Variants in GOSR2 observed in about 807,000 individuals in gnomAD.
GOSR2 encodes the protein 27 kDa Golgi SNARE protein.
In GOSR2, 20 loss-of-function variants were observed where a neutral mutation model predicts 27.9. That is an observed-to-expected ratio of 0.72 (90% confidence interval 0.50 to 1.04). The LOEUF (loss-of-function observed/expected upper bound fraction) is 1.04, where lower values mean the gene tolerates loss of function less well. Among genes scored for constraint, GOSR2 ranks in the 50% least tolerant of loss-of-function variants. The pLI is 0.00. For missense variants in GOSR2, 261 were observed against 270.5 expected (o/e 0.97, Z 0.25); for synonymous variants, 91 against 98.8 (o/e 0.92, Z 0.47).
chr17:46,943,632 G>A (rs1025191682), downstream of GOSR2, among the ~76,000 whole-genome samples: 3 of 152,152 alleles, frequency 2.0e-5, no homozygotes, highest in East Asian at 1.9e-4. Flanking sequence ...AGGCGCCATC[G>A]GGTAAGCGGC....
At chr17:46,962,577 T>A (rs969376806) in intron 6 of GOSR2, among the ~76,000 whole-genome samples, 1 of 152,212 alleles carries the variant, frequency 6.6e-6, no homozygotes. Context: ...AGTATAGCTA[T>A]GCTGCTGTCT....
intron 2 of GOSR2, 133 bp from the exon 3 acceptor site, chr17:46,930,961 TTAGTG>T (rs1188867255): frequency 1.5e-6 from 1 of 665,688 alleles, no homozygotes; most frequent in African/African-American, 1.8e-5. Context: ...CTGTTATTCA[TTAGTG>T]TATACATTTT....
intron 6 of GOSR2, among the ~76,000 whole-genome samples, chr17:46,954,679 G>T (rs1408937921): frequency 1.3e-5 from 2 of 152,180 alleles, no homozygotes; most frequent in Admixed American, 6.5e-5. Context: ...TCTTCCATTT[G>T]TTTGTGTCCT....
chr17:46,955,626 G>A (rs141797061), intron 6 of GOSR2: 1 of 152,304 alleles, frequency 6.6e-6, no homozygotes, highest in East Asian at 1.9e-4. Context: ...GCACACCTCT[G>A]AAGCAGTGCA....
In GOSR2 at chr17:46,956,277, CTTTTTTTTTTTT is replaced by C. The variant is rs869045527; in HGVS notation, c.584-10238_584-10227del. ...AGGCCAGGATTCTGCCTTGCCAGTC[CTTTTTTTTTTTT>C]TTTTTTTTTTTTTTTTTTGAGACAG... On this transcript the variant is annotated intron_variant, in intron 6 of 6. Transcript: ENST00000573224. Among the ~76,000 whole-genome samples, 21 of 62,656 alleles carry C rather than the reference CTTTTTTTTTTTT, an allele frequency of 3.4e-4. No homozygotes were observed. In the South Asian group the frequency reaches 9.6e-3, roughly 29 times the overall value. The allele number at this position is 62,656 out of a possible 152,430, so 41.1% of individuals were successfully genotyped here. A position where few individuals can be genotyped will look rare whatever the true frequency, so the allele number is the denominator to read the frequency against.
chr17:46,935,604 A>G, intron 5 of GOSR2: 1 of 1,066,122 alleles, frequency 9.4e-7, no homozygotes, highest in African/African-American at 1.7e-5. Context: ...TTTGTATTTT[A>G]GTAACTGAAT....
At chr17:46,974,041 A>T (rs2091420777) in intron 6 of GOSR2, among the ~76,000 whole-genome samples, 1 of 152,202 alleles carries the variant, frequency 6.6e-6, no homozygotes, top group South Asian at 2.1e-4. Context: ...AGTAAGTAAG[A>T]AAGTAAGTGG....
At chr17:46,960,148 C>T (rs936190264) in intron 6 of GOSR2, among the ~76,000 whole-genome samples, 1 of 152,140 alleles carries the variant, frequency 6.6e-6, no homozygotes. Flanking sequence ...GGAAAGAGCT[C>T]TCAAAGCTCA....
At chr17:46,923,915 A>C (rs2086102480) in intron 1 of GOSR2, 1 of 398,574 alleles carries the variant, frequency 2.5e-6, no homozygotes, top group East Asian at 3.6e-5. Flanking sequence ...GGCGGGGGGC[A>C]GAATTATGAT....
At chr17:46,925,479 C>T (rs1434559880) in intron 1 of GOSR2, among the ~76,000 whole-genome samples, 1 of 152,220 alleles carries the variant, frequency 6.6e-6, no homozygotes, top group Non-Finnish European at 1.5e-5. Context: ...AGTGCTGAAC[C>T]AGGAGTGGGA....
At chr17:46,946,418 G>A (rs1362799078), downstream of GOSR2, among the ~76,000 whole-genome samples, 2 of 140,870 alleles carry the variant, frequency 1.4e-5, no homozygotes, top group Admixed American at 7.5e-5. Flanking sequence ...CCGAGATCAC[G>A]CCATTGCACT....
At chr17:46,924,169 C>T in intron 1 of GOSR2, 1 of 292,514 alleles carries the variant, frequency 3.4e-6, no homozygotes, top group Non-Finnish European at 6.2e-6. Flanking sequence ...TTACTTCTCT[C>T]TATGAGTTTA....
At chr17:46,963,430 A>G (rs1156917295) in intron 6 of GOSR2, among the ~76,000 whole-genome samples, 1 of 152,074 alleles carries the variant, frequency 6.6e-6, no homozygotes, top group Non-Finnish European at 1.5e-5. Flanking sequence ...CTGTAATCCC[A>G]GCTACTTGGG....
chr17:46,923,658 C>T, intron 1 of GOSR2: 4 of 1,075,556 alleles, frequency 3.7e-6, no homozygotes, highest in South Asian at 4.7e-5. Flanking sequence ...TATTTGTATT[C>T]TTATTCGATT....
intron 6 of GOSR2, among the ~76,000 whole-genome samples, chr17:46,952,996 G>C (rs955023331): frequency 2.0e-5 from 3 of 151,958 alleles, no homozygotes; most frequent in Non-Finnish European, 4.4e-5. Context: ...AAATGACTCT[G>C]AGCCCCCCAA....
At chr17:46,931,042 G>T in intron 2 of GOSR2, 57 bp from the exon 3 acceptor site, 1 of 931,404 alleles carries the variant, frequency 1.1e-6, no homozygotes, top group Non-Finnish European at 1.8e-6. Flanking sequence ...ATTTATCATT[G>T]TAATTTAAGT....
intron 6 of GOSR2, among the ~76,000 whole-genome samples, chr17:46,962,722 T>A (rs1179463070): frequency 6.6e-6 from 1 of 152,190 alleles, no homozygotes; most frequent in Non-Finnish European, 1.5e-5. Flanking sequence ...AGCCAAGTCC[T>A]TGAAGGTTGC....
chr17:46,956,277 C>CTTT (rs869045527), intron 6 of GOSR2, among the ~76,000 whole-genome samples: 1 of 62,656 alleles, frequency 1.6e-5, no homozygotes, highest in African/African-American at 6.1e-5. Flanking sequence ...CTTGCCAGTC[C>CTTT]TTTTTTTTTT....
chr17:46,964,907 C>T (rs549177665), intron 6 of GOSR2: 162 of 152,374 alleles, frequency 1.1e-3, no homozygotes, highest in African/African-American at 3.7e-3. Context: ...GATTTGGCCT[C>T]TAACTGCAAG....
Sources: allele counts gnomAD v4.1 joint callset (sites outside exome capture counted in the v4.1 genomes callset), GRCh38; gene constraint gnomAD v4.1.1; transcripts MANE v1.5; gene names NCBI Gene and HGNC (gene_info 2026-07-23, HGNC 2026-07-21).